The following PTPRD variants were observed in gnomAD, a reference collection of about 807,000 sequenced individuals.
PTPRD encodes the protein protein tyrosine phosphatase receptor type D, also known as receptor-type tyrosine-protein phosphatase delta.
In PTPRD, 34 loss-of-function variants were observed where a neutral mutation model predicts 214.5. The observed-to-expected ratio is 0.16, with a 90% CI of 0.12 to 0.21. The LOEUF is 0.21. Ranked by LOEUF, PTPRD falls within the 10% of genes least tolerant of loss-of-function variation. The probability of loss-of-function intolerance (pLI) is 1.00; values close to 1 mark genes in which losing one functional copy is unlikely to be tolerated. For synonymous variants in PTPRD, 1,128 were observed against 845.7 expected (o/e 1.33, Z -5.79); for missense variants, 2,545 against 2,398.7 (o/e 1.06, Z -1.27).
At chr9:8,508,391 G>C (rs1259991101) in intron 21 of PTPRD, among the ~76,000 whole-genome samples, 1 of 152,172 alleles carries the variant, frequency 6.6e-6, no homozygotes. Context: ...GAGTCAGGGT[G>C]TCGCTGGCAC....
At chr9:8,509,704 C>A (rs771261527) in intron 21 of PTPRD, among the ~76,000 whole-genome samples, 1 of 152,124 alleles carries the variant, frequency 6.6e-6, no homozygotes, top group African/African-American at 2.4e-5. Flanking sequence ...AGTAAATTCC[C>A]GGTTGGTCTC....
At chr9:9,612,133 AAAATT>A (rs1303166561) in intron 7 of PTPRD, among the ~76,000 whole-genome samples, 2 of 152,162 alleles carry the variant, frequency 1.3e-5, no homozygotes, top group African/African-American at 4.8e-5. Flanking sequence ...ATTGTGTAAT[AAAATT>A]GAGTACATAT....
intron 11 of PTPRD, among the ~76,000 whole-genome samples, chr9:8,835,958 G>A (rs115772115): frequency 0.015 from 2,231 of 152,180 alleles, 43 homozygotes; most frequent in African/African-American, 0.051. Flanking sequence ...TATTTGGATG[G>A]CCTGCTGCAT....
intron 9 of PTPRD, among the ~76,000 whole-genome samples, chr9:9,369,638 GC>G (rs1466667026): frequency 1.3e-5 from 2 of 151,944 alleles, no homozygotes; most frequent in African/African-American, 2.4e-5. Context: ...GTCAATTTTG[GC>G]TTTTGTTGCC....
intron 44 of PTPRD, among the ~76,000 whole-genome samples, chr9:8,322,013 T>TA (rs777697346): frequency 0.045 from 6,896 of 152,250 alleles, 204 homozygotes; most frequent in South Asian, 0.16. Context: ...TCTGTTAAAG[T>TA]GATCTGTGAT....
intron 14 of PTPRD, among the ~76,000 whole-genome samples, chr9:8,591,782 A>G (rs1047779499): frequency 1.3e-5 from 2 of 152,176 alleles, no homozygotes; most frequent in Admixed American, 1.3e-4. Flanking sequence ...CAGTTTAAGC[A>G]TAGGATACAA....
At chr9:8,786,388 A>T (rs1436810636) in intron 11 of PTPRD, among the ~76,000 whole-genome samples, 1 of 149,200 alleles carries the variant, frequency 6.7e-6, no homozygotes, top group African/African-American at 2.5e-5. Context: ...ACAAAAAAGG[A>T]AAAGTTTGGA....
chr9:9,896,840 A>G (rs2075108154), intron 5 of PTPRD, among the ~76,000 whole-genome samples: 1 of 152,104 alleles, frequency 6.6e-6, no homozygotes, highest in Non-Finnish European at 1.5e-5. Context: ...AATGAGAAAT[A>G]CTTTAAATAA....
chr9:9,353,116 C>T (rs1344888403), intron 9 of PTPRD, among the ~76,000 whole-genome samples: 1 of 151,916 alleles, frequency 6.6e-6, no homozygotes, highest in Non-Finnish European at 1.5e-5. Flanking sequence ...TAGAGAAGTT[C>T]AGGCTCGGTC....
At chr9:9,909,317 GTT>G (rs71308854) in intron 5 of PTPRD, among the ~76,000 whole-genome samples, 12 of 138,326 alleles carry the variant, frequency 8.7e-5, no homozygotes, top group African/African-American at 2.6e-4. Flanking sequence ...TAATCTGAAA[GTT>G]TTTTTTTTTT....
chr9:8,628,268 C>G (rs2096118087), intron 14 of PTPRD, among the ~76,000 whole-genome samples: 1 of 151,868 alleles, frequency 6.6e-6, no homozygotes, highest in Non-Finnish European at 1.5e-5. Context: ...TAATTCTGAT[C>G]ACAGGGTACT....
chr9:8,535,711 G>A (rs2139942327), intron 14 of PTPRD, among the ~76,000 whole-genome samples: 1 of 151,966 alleles, frequency 6.6e-6, no homozygotes, highest in Admixed American at 6.6e-5. Context: ...ATGCCAAGAA[G>A]TCAGAGTTTT....
At chr9:10,501,410 TCC>T (rs2043673457) in intron 2 of PTPRD, among the ~76,000 whole-genome samples, 1 of 152,032 alleles carries the variant, frequency 6.6e-6, no homozygotes, top group Non-Finnish European at 1.5e-5. Context: ...TCATCTGAGC[TCC>T]TTATATATTC....
chr9:9,230,222 G>A (rs144569169), intron 9 of PTPRD, among the ~76,000 whole-genome samples: 2 of 152,064 alleles, frequency 1.3e-5, no homozygotes, highest in African/African-American at 2.4e-5. Flanking sequence ...GGGGCGGTTC[G>A]ACAGAAAGAC....
chr9:9,902,591 G>A (rs1392626889), intron 5 of PTPRD, among the ~76,000 whole-genome samples: 1 of 152,224 alleles, frequency 6.6e-6, no homozygotes, highest in East Asian at 1.9e-4. Flanking sequence ...ATTTAGAAAT[G>A]CACACTTCAA....
intron 3 of PTPRD, among the ~76,000 whole-genome samples, chr9:10,121,727 C>G (rs1247085918): frequency 6.6e-6 from 1 of 152,152 alleles, no homozygotes; most frequent in Non-Finnish European, 1.5e-5. Flanking sequence ...TAAGCAATAA[C>G]TCTGTAACTT....
chr9:9,330,866 A>T (rs2042044523), intron 9 of PTPRD, among the ~76,000 whole-genome samples: 2 of 151,904 alleles, frequency 1.3e-5, no homozygotes, highest in South Asian at 4.1e-4. Context: ...TTGATTTATT[A>T]AAAATGTCAT....
intron 36 of PTPRD, among the ~76,000 whole-genome samples, chr9:8,399,841 A>C (rs2092062665): frequency 6.6e-6 from 1 of 152,152 alleles, no homozygotes; most frequent in African/African-American, 2.4e-5. Context: ...TGAGACTGAC[A>C]TATATTAGTA....
chr9:9,363,383 T>C (rs1172647319), intron 9 of PTPRD, among the ~76,000 whole-genome samples: 1 of 151,306 alleles, frequency 6.6e-6, no homozygotes, highest in Non-Finnish European at 1.5e-5. Flanking sequence ...CAAAATCTCA[T>C]ACTAGGAGAT....
Sources: gnomAD v4.1 joint callset for allele counts (sites outside exome capture counted in the v4.1 genomes callset) on GRCh38, gnomAD v4.1.1 for gene constraint, MANE v1.5 for transcripts, NCBI Gene and HGNC (gene_info 2026-07-23, HGNC 2026-07-21) for gene names.